FABP12: variants seen among roughly 807,000 people sequenced by gnomAD.
FABP12 encodes the protein fatty acid-binding protein 12.
FABP12 carries 19 observed loss-of-function variants against 13.7 expected under a neutral mutation model. The ratio of observed to expected loss-of-function variants is 1.39; its 90% confidence interval spans 0.97 to 2.04. The LOEUF (loss-of-function observed/expected upper bound fraction) is 2.04, where lower values mean the gene tolerates loss of function less well. Among genes scored for constraint, FABP12 ranks in the 30% most tolerant of loss-of-function variants. The pLI, the probability that FABP12 is intolerant of heterozygous loss-of-function variation, is 0.00. For missense variants in FABP12, 182 were observed against 164.2 expected, an observed-to-expected ratio of 1.11 and a Z score of -0.59; for synonymous variants, 61 against 57.0, an observed-to-expected ratio of 1.07 and a Z score of -0.32.
intron 3 of FABP12, among the ~76,000 whole-genome samples, chr8:81,528,975 G>A (rs145961738): frequency 0.011 from 1,603 of 152,032 alleles, 25 homozygotes; most frequent in African/African-American, 0.035. Context: ...CCAACACTAC[G>A]TATGTACTAT....
At chr8:81,536,892 A>G (rs185632491), upstream of FABP12, among the ~76,000 whole-genome samples, 47 of 152,364 alleles carry the variant, frequency 3.1e-4, no homozygotes, top group Middle Eastern at 0.01. Flanking sequence ...TTGAGTAGTT[A>G]TAACAAACAT....
At chr8:81,548,149 C>G (rs1809466180) in intron 1 of FABP12, among the ~76,000 whole-genome samples, 1 of 152,208 alleles carries the variant, frequency 6.6e-6, no homozygotes, top group Non-Finnish European at 1.5e-5. Context: ...CTAAAACATA[C>G]TGGTGCCCAA....
chr8:81,568,543 G>A (rs1286018288), intron 1 of FABP12, among the ~76,000 whole-genome samples: 1 of 152,186 alleles, frequency 6.6e-6, no homozygotes, highest in Non-Finnish European at 1.5e-5. Flanking sequence ...ATGTAAATTA[G>A]TACAGTCACT....
chr8:81,533,978 A>G (rs145974325), upstream of FABP12, among the ~76,000 whole-genome samples: 5 of 152,158 alleles, frequency 3.3e-5, no homozygotes, highest in South Asian at 2.1e-4. Context: ...TTCTGTCTCT[A>G]TGGGGCCCCA....
chr8:81,556,784 A>G (rs1304991150), intron 1 of FABP12, among the ~76,000 whole-genome samples: 1 of 147,526 alleles, frequency 6.8e-6, no homozygotes, highest in Non-Finnish European at 1.5e-5. Flanking sequence ...TTATTATTTT[A>G]TACATATATA....
chr8:81,560,656 G>A (rs1036923716), intron 1 of FABP12, among the ~76,000 whole-genome samples: 13 of 152,102 alleles, frequency 8.5e-5, no homozygotes, highest in Admixed American at 2.0e-4. Context: ...TTTCTTCCAA[G>A]TTCCTCAAGA....
chr8:81,528,078 TG>T (rs1808956056), intron 3 of FABP12, among the ~76,000 whole-genome samples: 1 of 152,230 alleles, frequency 6.6e-6, no homozygotes, highest in African/African-American at 2.4e-5. Flanking sequence ...CAGTTTTTTT[TG>T]TTGTTGTTGT....
At chr8:81,579,126 C>G (rs531154943) in intron 1 of FABP12, among the ~76,000 whole-genome samples, 1 of 152,290 alleles carries the variant, frequency 6.6e-6, no homozygotes, top group South Asian at 2.1e-4. Context: ...CCGCGCCCAG[C>G]CTCAAGTGTC....
At chr8:81,588,228 A>G (rs1471732565) in intron 1 of FABP12, among the ~76,000 whole-genome samples, 2 of 152,174 alleles carry the variant, frequency 1.3e-5, no homozygotes, top group African/African-American at 4.8e-5. Flanking sequence ...ATTGACACTC[A>G]ATATTAACCA....
chr8:81,556,559 T>A (rs1264575271), intron 1 of FABP12, among the ~76,000 whole-genome samples: 1 of 129,014 alleles, frequency 7.8e-6, no homozygotes, highest in Non-Finnish European at 1.6e-5. Flanking sequence ...CTAACTTTAA[T>A]GGTAAAAGGC....
At position 81,525,132 on chromosome 8, in the gene FABP12, A is replaced by C. The variant is rs2129909589; in HGVS notation, c.349-12T>G. Reference sequence around the variant, plus strand: ...TTCACAGTACTTTCCTACAAGACAAAAGAAATATGAGGTATTTCAGTATAG... The same window carrying C: ...TTCACAGTACTTTCCTACAAGACAACAGAAATATGAGGTATTTCAGTATAG... On this transcript the variant is annotated splice_polypyrimidine_tract_variant and intron_variant, in intron 4 of 4. Transcript: ENST00000360464. 6.6e-7 allele frequency: 1 copy of C among 1,519,784 alleles called. No individual in the cohort carries two copies. Among genetic ancestry groups the C allele is most frequent in the Non-Finnish European group, 9.0e-7 (1 of 1,107,992 alleles). 94.1% of individuals were successfully genotyped at this position (1,519,784 alleles called of 1,614,324 possible).
intron 1 of FABP12, among the ~76,000 whole-genome samples, chr8:81,581,115 A>G (rs1810150313): frequency 6.6e-6 from 1 of 152,180 alleles, no homozygotes; most frequent in Non-Finnish European, 1.5e-5. Flanking sequence ...GATTGAGAAG[A>G]GTCTGTTGCT....
intron 1 of FABP12, among the ~76,000 whole-genome samples, chr8:81,545,704 T>C (rs1450321706): frequency 6.6e-6 from 1 of 152,236 alleles, no homozygotes; most frequent in Non-Finnish European, 1.5e-5. Context: ...TTCTAATTAC[T>C]TCGAAAACTG....
chr8:81,559,829 ATCAACCTCTAGAGTC>A (rs1287572279), intron 1 of FABP12, among the ~76,000 whole-genome samples: 1 of 152,226 alleles, frequency 6.6e-6, no homozygotes, highest in African/African-American at 2.4e-5. Flanking sequence ...GGATGAAGTG[ATCAACCTCTAGAGTC>A]TAGCTCAGGA....
chr8:81,560,138 A>G (rs1274284521), intron 1 of FABP12, among the ~76,000 whole-genome samples: 1 of 152,224 alleles, frequency 6.6e-6, no homozygotes, highest in African/African-American at 2.4e-5. Context: ...TGGCTGCTGC[A>G]ATGGTCTCCA....
intron 1 of FABP12, among the ~76,000 whole-genome samples, chr8:81,582,871 A>G (rs952923147): frequency 2.6e-5 from 4 of 152,212 alleles, no homozygotes; most frequent in African/African-American, 7.2e-5. Flanking sequence ...ACAGACATTG[A>G]CAGAACATTT....
chr8:81,562,131 C>A (rs1364444229), intron 1 of FABP12, among the ~76,000 whole-genome samples: 1 of 152,128 alleles, frequency 6.6e-6, no homozygotes, highest in Non-Finnish European at 1.5e-5. Flanking sequence ...CAGGCAAAGT[C>A]CTGAGGCCCC....
intron 1 of FABP12, among the ~76,000 whole-genome samples, chr8:81,572,914 C>CA (rs879272707): frequency 0.028 from 4,290 of 152,032 alleles, 97 homozygotes; most frequent in Middle Eastern, 0.082. Context: ...TTGTTTGCTG[C>CA]TAACTGTTCT....
At chr8:81,527,713 C>T (rs770039797) in intron 3 of FABP12, among the ~76,000 whole-genome samples, 131 of 152,232 alleles carry the variant, frequency 8.6e-4, no homozygotes, top group South Asian at 6.2e-4. Context: ...TATCTTTTTG[C>T]ATAAAGAATT....
Sources: allele counts gnomAD v4.1 joint callset (sites outside exome capture counted in the v4.1 genomes callset), GRCh38; gene constraint gnomAD v4.1.1; transcripts MANE v1.5; gene names NCBI Gene and HGNC (gene_info 2026-07-23, HGNC 2026-07-21).